The following DYRK1A variants were observed in gnomAD, a reference collection of about 807,000 sequenced individuals.
The protein encoded by DYRK1A is dual specificity tyrosine phosphorylation regulated kinase 1A.
Under a neutral mutation model 79.7 loss-of-function variants are expected in DYRK1A, and 9 were observed. That is an observed-to-expected ratio of 0.11 (90% confidence interval 0.07 to 0.20). DYRK1A has a LOEUF of 0.20. Among genes scored for constraint, DYRK1A ranks in the 10% least tolerant of loss-of-function variants. The pLI, the probability that DYRK1A is intolerant of heterozygous loss-of-function variation, is 1.00. For synonymous variants in DYRK1A, 349 were observed against 329.7 expected (o/e 1.06, Z -0.63); for missense variants, 622 against 956.0 (o/e 0.65, Z 4.61).
rs1216847510 is a variant in DYRK1A at position 37,479,604 on chromosome 21, TTGTTTTTGTTTTTTG to T, written c.301-1032_301-1018del. Among the ~76,000 whole-genome samples the T allele has an allele frequency of 5.6e-3, 414 of 73,790 alleles. 6 individuals are homozygous for T. The highest frequency in any genetic ancestry group is 0.039 in the African/African-American group (402 of 10,358). The allele number at this position is 73,790 out of a possible 152,430, so 48.4% of individuals were successfully genotyped here. A position where few individuals can be genotyped will look rare whatever the true frequency, so the allele number is the denominator to read the frequency against. On this transcript the variant is annotated intron_variant, in intron 4 of 11. Transcript: ENST00000647188. ...CAGTGTTGGTGTTTTGTTTTTGTTT[TTGTTTTTGTTTTTTG>T]TTTTTTTTTTTTTTTTTGGAGACAG...
At chr21:37,439,521 G>A (rs2051026561) in intron 2 of DYRK1A, among the ~76,000 whole-genome samples, 1 of 152,118 alleles carries the variant, frequency 6.6e-6, no homozygotes. Flanking sequence ...AGGAGGTGCC[G>A]AGCACTACCA....
chr21:37,444,659 C>T (rs569140256), intron 2 of DYRK1A, among the ~76,000 whole-genome samples: 21 of 152,164 alleles, frequency 1.4e-4, no homozygotes, highest in African/African-American at 5.1e-4. Flanking sequence ...AAACATGATG[C>T]CAAGCCTGGG....
intron 6 of DYRK1A, chr21:37,488,805 A>G (rs377572688): frequency 3.0e-6 from 3 of 985,318 alleles, no homozygotes; most frequent in Non-Finnish European, 3.6e-6. Context: ...TTTTGCATTC[A>G]TTTAGTGGCA....
intron 8 of DYRK1A, among the ~76,000 whole-genome samples, chr21:37,495,150 TTTTGTGTGTGTG>T (rs1339178910): frequency 1.9e-4 from 23 of 120,198 alleles, no homozygotes; most frequent in African/African-American, 5.5e-4. Context: ...GCCTCTGGGA[TTTTGTGTGTGTG>T]TGTGTGTGTG....
chr21:37,394,628 G>A (rs951237068), intron 1 of DYRK1A, among the ~76,000 whole-genome samples: 8 of 152,070 alleles, frequency 5.3e-5, no homozygotes, highest in African/African-American at 1.4e-4. Context: ...ATAGGAGCGC[G>A]AACCCTGTTG....
chr21:37,428,965 C>G (rs545170517), intron 2 of DYRK1A: 3 of 152,216 alleles, frequency 2.0e-5, no homozygotes, highest in Non-Finnish European at 4.4e-5. Flanking sequence ...TCTTTCTCCT[C>G]TTCTCTCTGG....
chr21:37,370,313 C>G (rs2049404547), intron 1 of DYRK1A, among the ~76,000 whole-genome samples: 1 of 148,056 alleles, frequency 6.8e-6, no homozygotes, highest in South Asian at 2.1e-4. Flanking sequence ...TAAGAAATAG[C>G]TTGGAAATTT....
chr21:37,499,198 A>G (rs1226552214), intron 9 of DYRK1A, among the ~76,000 whole-genome samples: 1 of 151,930 alleles, frequency 6.6e-6, no homozygotes, highest in African/African-American at 2.4e-5. Flanking sequence ...GTTTGTGAAG[A>G]TATTCTGTGT....
intron 1 of DYRK1A, among the ~76,000 whole-genome samples, chr21:37,377,014 TAGAC>T (rs2049557247): frequency 6.6e-6 from 1 of 152,230 alleles, no homozygotes. Context: ...TTTAAGTGCA[TAGAC>T]AGGTGTGTGT....
At chr21:37,399,766 T>C (rs1325211263) in intron 1 of DYRK1A, among the ~76,000 whole-genome samples, 1 of 152,214 alleles carries the variant, frequency 6.6e-6, no homozygotes, top group African/African-American at 2.4e-5. Flanking sequence ...AGTGAGACTG[T>C]ACATCATTCC....
intron 6 of DYRK1A, 48 bp from the exon 7 acceptor site, chr21:37,490,127 C>G (rs1234127098): frequency 6.5e-7 from 1 of 1,531,160 alleles, no homozygotes; most frequent in Non-Finnish European, 8.9e-7. Context: ...TTGTTACTCT[C>G]AGTTTATTGG....
At chr21:37,509,592 G>A (rs1474346822) in intron 11 of DYRK1A, among the ~76,000 whole-genome samples, 1 of 152,072 alleles carries the variant, frequency 6.6e-6, no homozygotes, top group Non-Finnish European at 1.5e-5. Flanking sequence ...GCCTATGATT[G>A]TGTCCCAGCA....
Position 37,466,146 on chromosome 21 carries a change from C to A in DYRK1A, c.11-6538C>A, listed in dbSNP as rs193176591. On this transcript the variant is annotated intron_variant, in intron 2 of 11. Transcript: ENST00000647188. ...AATTCTTTCATAGCTATCTGGATGTCACAGAATTACCCATCTTTCCTTCCA... is the reference window on the plus strand; with the variant it reads ...AATTCTTTCATAGCTATCTGGATGTAACAGAATTACCCATCTTTCCTTCCA... 1.1e-3 allele frequency among the ~76,000 whole-genome samples: 166 copies of A among 152,310 alleles called. 1 individual carries two copies. The highest frequency in any genetic ancestry group is 6.8e-3 in the Middle Eastern group (2 of 294).
At chr21:37,510,893 G>A (rs2053731140) in intron 11 of DYRK1A, among the ~76,000 whole-genome samples, 1 of 152,106 alleles carries the variant, frequency 6.6e-6, no homozygotes, top group Non-Finnish European at 1.5e-5. Flanking sequence ...GTGTTGTGTA[G>A]CCATGTGCTC....
chr21:37,441,405 T>C (rs2051099571), intron 2 of DYRK1A, among the ~76,000 whole-genome samples: 1 of 152,146 alleles, frequency 6.6e-6, no homozygotes. Context: ...TATGTTTTGG[T>C]TTAAATCTGT....
At chr21:37,485,695 T>G (rs1446947343) in intron 5 of DYRK1A, among the ~76,000 whole-genome samples, 2 of 152,226 alleles carry the variant, frequency 1.3e-5, no homozygotes, top group South Asian at 2.1e-4. Context: ...TAATAAGAGA[T>G]AACATTTTCT....
chr21:37,483,701 G>A (rs143828008), intron 5 of DYRK1A, among the ~76,000 whole-genome samples: 1 of 152,076 alleles, frequency 6.6e-6, no homozygotes, highest in African/African-American at 2.4e-5. Context: ...TCCCACTTCA[G>A]CCTCTAGAGT....
At chr21:37,399,720 T>C (rs1486368503) in intron 1 of DYRK1A, among the ~76,000 whole-genome samples, 1 of 152,180 alleles carries the variant, frequency 6.6e-6, no homozygotes, top group African/African-American at 2.4e-5. Context: ...CCAGTGGTTC[T>C]GTCTTTCTAA....
chr21:37,495,765 C>G (rs1216709706), intron 8 of DYRK1A, among the ~76,000 whole-genome samples: 2 of 152,080 alleles, frequency 1.3e-5, no homozygotes, highest in Non-Finnish European at 2.9e-5. Context: ...GTACTCCAGC[C>G]TGGGTGACAG....
Sources: allele counts gnomAD v4.1 joint callset (sites outside exome capture counted in the v4.1 genomes callset), GRCh38; gene constraint gnomAD v4.1.1; transcripts MANE v1.5; gene names NCBI Gene and HGNC (gene_info 2026-07-23, HGNC 2026-07-21).